HACD3: variants seen among roughly 807,000 people sequenced by gnomAD.
HACD3 encodes the protein 3-hydroxyacyl-CoA dehydratase 3.
HACD3 carries 30 observed loss-of-function variants against 55.2 expected under a neutral mutation model. The observed-to-expected ratio is 0.54, with a 90% CI of 0.41 to 0.74. The LOEUF is 0.74. Ranked by LOEUF, HACD3 falls within the 30% of genes least tolerant of loss-of-function variation. HACD3 has a pLI of 0.00. For synonymous variants in HACD3, 141 were observed against 151.7 expected (o/e 0.93, Z 0.52); for missense variants, 363 against 440.1 (o/e 0.82, Z 1.57).
rs74830893 is a variant in HACD3, at chr15:65,561,076, G to T, written c.422-1698G>T. Among the ~76,000 whole-genome samples, 1,142 of 152,178 alleles carry T rather than the reference G, an allele frequency of 7.5e-3. 15 individuals carry two copies. The highest frequency in any genetic ancestry group is 0.026 in the African/African-American group (1,091 of 41,490). ...AGTGAATATATAACCAAATATCAGG[G>T]TTGTTTTTTTCATTTACTGTATCTG... On this transcript the variant is annotated intron_variant, in intron 5 of 10. Transcript: ENST00000261875.
chr15:65,554,753 C>T (rs1313728124), intron 2 of HACD3, 134 bp from the exon 3 acceptor site: 6 of 556,958 alleles, frequency 1.1e-5, no homozygotes, highest in South Asian at 3.9e-5. Context: ...CCAGCCTGGG[C>T]AACAGAGCAA....
intron 4 of HACD3, 30 bp downstream of exon 4, chr15:65,556,933 G>A (rs777596191): frequency 3.8e-6 from 6 of 1,588,774 alleles, no homozygotes; most frequent in Non-Finnish European, 5.2e-6. Context: ...TCTAGCCATT[G>A]AGGACAAATC....
chr15:65,531,182 T>C (rs1351284400), intron 1 of HACD3: 1 of 131,614 alleles, frequency 7.6e-6, no homozygotes, highest in Non-Finnish European at 1.6e-5. Context: ...CCTCGGACGT[T>C]ACTGAGGCTG....
intron 3 of HACD3, among the ~76,000 whole-genome samples, chr15:65,556,472 T>A (rs1380119046): frequency 6.6e-6 from 1 of 151,312 alleles, no homozygotes; most frequent in Non-Finnish European, 1.5e-5. Context: ...GGAGAGCGAG[T>A]CTAAATATAG....
intron 1 of HACD3, 143 bp downstream of exon 1, chr15:65,530,861 G>C (rs907760895): frequency 1.2e-6 from 1 of 805,922 alleles, no homozygotes; most frequent in Non-Finnish European, 1.9e-6. Context: ...CTTACGGCGT[G>C]CTGGCGCTTT....
chr15:65,559,657 G>A (rs557530877), intron 5 of HACD3, among the ~76,000 whole-genome samples: 12 of 151,680 alleles, frequency 7.9e-5, no homozygotes, highest in Admixed American at 5.9e-4. Context: ...TTGGCATTCC[G>A]AATAAGGTTT....
intron 6 of HACD3, 54 bp downstream of exon 6, chr15:65,562,938 A>G: frequency 6.3e-7 from 1 of 1,595,416 alleles, no homozygotes; most frequent in African/African-American, 1.3e-5. Flanking sequence ...TTGGCCCAGT[A>G]TTCACCAAAG....
chr15:65,558,737 TTGTGCTGC>T lies in HACD3; in HGVS notation c.421+9_421+16del, dbSNP rs1567337174. ...AAGCGAAGGCTCTCCTGAAAGTAAG[TTGTGCTGC>T]TGCCATGGTAGTTACCAGTTAACTT... On this transcript the variant is annotated splice_region_variant and intron_variant, in intron 5 of 10. Coordinates refer to ENST00000261875, the MANE Select transcript of HACD3 (RefSeq NM_016395.4). The T allele has an allele frequency of 6.3e-7, 1 of 1,599,386 alleles. No individual in the cohort carries two copies. Among genetic ancestry groups the T allele is most frequent in the Admixed American group, 1.7e-5 (1 of 57,844 alleles).
chr15:65,556,985 G>T lies in HACD3; in HGVS notation c.369+82G>T, dbSNP rs191530799. On this transcript the variant is annotated intron_variant, in intron 4 of 10. Transcript: ENST00000261875. The stretch of plus-strand genomic sequence containing the variant: ...ATTCAGGCCACTTCAGATACCTCTC[G>T]GTCTGAAAGAATAGCTACAAAGTTA... 1.5e-4 allele frequency: 202 copies of T among 1,311,602 alleles called. No individual in the cohort carries two copies. The Middle Eastern group carries it at 2.2e-3, about 14-fold the overall frequency. 81.2% of individuals were successfully genotyped at this position (1,311,602 alleles called of 1,614,324 possible).
chr15:65,568,679 A>G (rs1440112584), intron 7 of HACD3, among the ~76,000 whole-genome samples: 2 of 152,130 alleles, frequency 1.3e-5, no homozygotes. Flanking sequence ...TTTTACCACA[A>G]TTTTTAAAAT....
intron 7 of HACD3, 189 bp downstream of exon 7, chr15:65,564,531 G>A: frequency 1.4e-6 from 1 of 693,428 alleles, no homozygotes; most frequent in Non-Finnish European, 2.2e-6. Context: ...ATGGTGGAGG[G>A]CGAAAGGCAC....
At chr15:65,564,079 A>G in intron 6 of HACD3, 136 bp from the exon 7 acceptor site, 1 of 1,128,032 alleles carries the variant, frequency 8.9e-7, no homozygotes, top group South Asian at 1.4e-5. Flanking sequence ...TTAGTTAAGT[A>G]AGAAACTTGA....
At chr15:65,543,025 G>A (rs1385367011) in intron 1 of HACD3, among the ~76,000 whole-genome samples, 1 of 146,792 alleles carries the variant, frequency 6.8e-6, no homozygotes, top group East Asian at 2.0e-4. Context: ...AGTAAACCGA[G>A]ATCGTGCCAC....
At chr15:65,573,070 A>T (rs2072366637) in intron 10 of HACD3, among the ~76,000 whole-genome samples, 1 of 152,010 alleles carries the variant, frequency 6.6e-6, no homozygotes, top group African/African-American at 2.4e-5. Context: ...GCAGCAAGGA[A>T]GGAAGAAGGG....
intron 1 of HACD3, among the ~76,000 whole-genome samples, chr15:65,542,588 T>C (rs1170881061): frequency 6.6e-6 from 1 of 152,118 alleles, no homozygotes; most frequent in Non-Finnish European, 1.5e-5. Flanking sequence ...CTAAATATAT[T>C]TGCAAATTTT....
intron 1 of HACD3, among the ~76,000 whole-genome samples, chr15:65,530,991 C>T (rs1001518273): frequency 6.6e-6 from 1 of 152,238 alleles, no homozygotes; most frequent in Non-Finnish European, 1.5e-5. Context: ...CTTCTTTGTT[C>T]GCAGTCGGCG....
intron 1 of HACD3, among the ~76,000 whole-genome samples, chr15:65,531,766 A>T (rs566008872): frequency 1.0e-3 from 152 of 151,994 alleles, no homozygotes; most frequent in Middle Eastern, 3.4e-3. Flanking sequence ...GGGTTTCACC[A>T]TGTTGGCCAG....
At chr15:65,560,025 A>G (rs911221713) in intron 5 of HACD3, among the ~76,000 whole-genome samples, 11 of 151,224 alleles carry the variant, frequency 7.3e-5, no homozygotes, top group African/African-American at 2.7e-4. Context: ...CATTTTTTGG[A>G]GTCTTAGGAT....
intron 1 of HACD3, among the ~76,000 whole-genome samples, chr15:65,544,218 G>A (rs2072050777): frequency 6.6e-6 from 1 of 152,086 alleles, no homozygotes. Flanking sequence ...TGAGCCCATA[G>A]TGAAAGTAAA....
Sources: allele counts gnomAD v4.1 joint callset (sites outside exome capture counted in the v4.1 genomes callset), GRCh38; gene constraint gnomAD v4.1.1; transcripts MANE v1.5; gene names NCBI Gene and HGNC (gene_info 2026-07-23, HGNC 2026-07-21).